Variants in UNC80 observed in about 807,000 individuals in gnomAD.
The protein encoded by UNC80 is protein unc-80 homolog.
In UNC80, 164 loss-of-function variants were observed where a neutral mutation model predicts 384.6. The observed-to-expected ratio is 0.43, with a 90% CI of 0.38 to 0.49. UNC80 has a LOEUF of 0.49. Among genes scored for constraint, UNC80 ranks in the 20% least tolerant of loss-of-function variants. The pLI is 0.00. For synonymous variants in UNC80, 1,486 were observed against 1,527.8 expected (o/e 0.97, Z 0.64); for missense variants, 3,330 against 4,143.0 (o/e 0.80, Z 5.39).
In UNC80 at chr2:209,820,437, A is replaced by G; in HGVS notation, c.2089A>G (p.Lys697Glu). 6.4e-7 allele frequency: 1 copy of G among 1,551,754 alleles called. No individual in the cohort carries two copies. Among genetic ancestry groups the G allele is most frequent in the Non-Finnish European group, 8.7e-7 (1 of 1,146,996 alleles). ...GVVPCVEKNR[K>E]KSENKENETL... ...GGTGCCCTGTGTAGAAAAGAATAGA[A>G]AGAAGAGTGAAAACAAGGAAAATGA... Residue 697 changes from lysine to glutamate, a missense_variant, in exon 13 of 65, where the codon AAG becomes GAG. Around this residue, in one of 8 missense-constraint regions of UNC80, gnomAD observed 937 missense variants for 1,026.8 expected, o/e 0.91. Transcript: ENST00000673920.
intron 2 of UNC80, among the ~76,000 whole-genome samples, chr2:209,775,018 A>T (rs1197614015): frequency 2.0e-5 from 3 of 152,186 alleles, no homozygotes; most frequent in Non-Finnish European, 2.9e-5. Context: ...CATTTATACA[A>T]TTTTATTGAC....
Position 209,877,947 on chromosome 2 carries a change from A to G in UNC80, c.3841-7A>G. On this transcript the variant is annotated splice_region_variant and splice_polypyrimidine_tract_variant and intron_variant, in intron 23 of 64. Coordinates refer to ENST00000673920, the MANE Select transcript of UNC80 (RefSeq NM_001371986.1). ...GTGCTGTTTCATTGTTTTCCTTCCCATTTTAGGCAATTGGCGTCCGATTGA... is the reference window on the plus strand; with the variant it reads ...GTGCTGTTTCATTGTTTTCCTTCCCGTTTTAGGCAATTGGCGTCCGATTGA... 1 of 1,523,726 alleles carries G rather than the reference A, an allele frequency of 6.6e-7. No homozygotes were observed. The highest frequency in any genetic ancestry group is 8.8e-7 in the Non-Finnish European group (1 of 1,136,256). The allele number at this position is 1,523,726 out of a possible 1,614,324, so 94.4% of individuals were successfully genotyped here.
At chr2:209,879,343 C>T (rs1038139701) in intron 24 of UNC80, among the ~76,000 whole-genome samples, 2 of 152,142 alleles carry the variant, frequency 1.3e-5, no homozygotes, top group African/African-American at 2.4e-5. Context: ...ACATTAAATG[C>T]GTGCATCCTC....
intron 24 of UNC80, among the ~76,000 whole-genome samples, 191 bp from the exon 25 acceptor site, chr2:209,880,770 A>G (rs1443715790): frequency 2.6e-5 from 4 of 152,206 alleles, no homozygotes; most frequent in African/African-American, 9.6e-5. Context: ...AAGTCATGCT[A>G]AAGGAATAGG....
intron 51 of UNC80, among the ~76,000 whole-genome samples, chr2:209,964,479 AG>A (rs990026060): frequency 6.6e-6 from 1 of 152,120 alleles, no homozygotes; most frequent in African/African-American, 2.4e-5. Flanking sequence ...GTTGCTACAG[AG>A]AATTTCTTTA....
rs909486498 is a variant in UNC80, at chr2:209,954,235, A to G, written c.7422A>G (p.Leu2474=). 1.9e-6 allele frequency: 3 copies of G among 1,550,900 alleles called. No individual in the cohort carries two copies. The highest frequency in any genetic ancestry group is 2.7e-5 in the African/African-American group (2 of 72,970). Residue 2474 remains leucine, a synonymous_variant, in exon 48 of 65, where the codon CTA becomes CTG. Coordinates refer to ENST00000673920, the MANE Select transcript of UNC80 (RefSeq NM_001371986.1). ...CCACTGCTGCTCTTGCGACGTCCCTACAGGCCCTTTTGTACAGTGTAGAGG... is the reference window on the plus strand; with the variant it reads ...CCACTGCTGCTCTTGCGACGTCCCTGCAGGCCCTTTTGTACAGTGTAGAGG... ...IAATAALATS[L]QALLYSVEVL...
chr2:209,822,948 G>T (rs969631123), intron 13 of UNC80, among the ~76,000 whole-genome samples: 1 of 151,946 alleles, frequency 6.6e-6, no homozygotes, highest in Admixed American at 6.6e-5. Context: ...ATTCTTTTTA[G>T]TACAAATAAT....
At chr2:209,963,352 G>A (rs1489152968) in intron 51 of UNC80, among the ~76,000 whole-genome samples, 1 of 152,196 alleles carries the variant, frequency 6.6e-6, no homozygotes, top group African/African-American at 2.4e-5. Flanking sequence ...CCATAGGAAA[G>A]TTTTTTGATT....
intron 24 of UNC80, among the ~76,000 whole-genome samples, chr2:209,880,140 T>A (rs2085154818): frequency 6.6e-6 from 1 of 152,182 alleles, no homozygotes; most frequent in African/African-American, 2.4e-5. Flanking sequence ...TATTTCTACA[T>A]CATCCTGTGT....
At chr2:209,943,781 T>C (rs958265349) in intron 45 of UNC80, among the ~76,000 whole-genome samples, 1 of 152,230 alleles carries the variant, frequency 6.6e-6, no homozygotes, top group African/African-American at 2.4e-5. Flanking sequence ...GGGGTGTATA[T>C]TGGGCTTTCT....
At chr2:209,805,286 A>G (rs2078822389) in intron 7 of UNC80, among the ~76,000 whole-genome samples, 1 of 152,218 alleles carries the variant, frequency 6.6e-6, no homozygotes, top group Admixed American at 6.5e-5. Flanking sequence ...CCAGTTCCCA[A>G]TAGTACACTC....
chr2:209,912,509 G>T, intron 29 of UNC80, 51 bp from the exon 30 acceptor site: 4 of 1,318,530 alleles, frequency 3.0e-6, no homozygotes, highest in Non-Finnish European at 4.2e-6. Flanking sequence ...TAGCACTGTT[G>T]GGTTTTTAGA....
rs1347287524 is a variant in UNC80 at position 209,892,347 on chromosome 2, C to T, written c.4277-1816C>T. 7.9e-5 allele frequency among the ~76,000 whole-genome samples: 12 copies of T among 152,092 alleles called. 1 individual carries two copies. Among genetic ancestry groups the T allele is most frequent in the Admixed American group, 7.9e-4 (12 of 15,258 alleles). ...TAGATGGATTTGTTTCACTTTTGTA[C>T]TAGTTCTTGTTGTCATGGAGATAAA... On this transcript the variant is annotated intron_variant, in intron 26 of 64. Transcript: ENST00000673920.
At chr2:209,850,355 A>T (rs889061227) in intron 22 of UNC80, among the ~76,000 whole-genome samples, 1 of 152,132 alleles carries the variant, frequency 6.6e-6, no homozygotes, top group African/African-American at 2.4e-5. Flanking sequence ...ATCAGGAAAA[A>T]AAGTATTTTA....
intron 7 of UNC80, among the ~76,000 whole-genome samples, chr2:209,812,849 G>C (rs1032757177): frequency 2.0e-5 from 3 of 152,134 alleles, no homozygotes; most frequent in Admixed American, 1.3e-4. Flanking sequence ...CTTTGTAGTA[G>C]AATTAAATTG....
At chr2:209,881,167 C>A in intron 25 of UNC80, 73 bp downstream of exon 25, 1 of 1,476,462 alleles carries the variant, frequency 6.8e-7, no homozygotes, top group Non-Finnish European at 9.0e-7. Context: ...TTCCAAGATT[C>A]ACAGTTTTCT....
chr2:209,813,929 C>T (rs2079544096), intron 8 of UNC80, 88 bp downstream of exon 8: 1 of 1,460,446 alleles, frequency 6.8e-7, no homozygotes, highest in African/African-American at 1.4e-5. Context: ...CTCTTAGGTA[C>T]TCTAGTGCTG....
intron 15 of UNC80, among the ~76,000 whole-genome samples, chr2:209,831,052 A>C (rs2080926420): frequency 6.6e-6 from 1 of 151,912 alleles, no homozygotes; most frequent in African/African-American, 2.4e-5. Context: ...ACCACCAGAA[A>C]GCTTGAAAAT....
At chr2:209,955,271 G>T (rs956001870) in intron 48 of UNC80, among the ~76,000 whole-genome samples, 4 of 152,116 alleles carry the variant, frequency 2.6e-5, no homozygotes, top group Non-Finnish European at 5.9e-5. Flanking sequence ...TAAGGGGGAA[G>T]CCCTTTAGTC....
Sources: gnomAD v4.1 joint callset for allele counts (sites outside exome capture counted in the v4.1 genomes callset) on GRCh38, gnomAD v4.1.1 for gene constraint, gnomAD v4.1.1 regional missense constraint, MANE v1.5 for transcripts, NCBI Gene and HGNC (gene_info 2026-07-23, HGNC 2026-07-21) for gene names.